The following C9orf72 variants were observed in gnomAD, a reference collection of about 807,000 sequenced individuals.
C9orf72 encodes the protein guanine nucleotide exchange factor C9orf72.
Under a neutral mutation model 51.6 loss-of-function variants are expected in C9orf72, and 44 were observed. That is an observed-to-expected ratio of 0.85 (90% CI 0.67 to 1.10). The LOEUF is 1.10. C9orf72 is among the 50% of genes least tolerant of loss of function. The pLI, the probability that C9orf72 is intolerant of heterozygous loss-of-function variation, is 0.00. For synonymous variants in C9orf72, 213 were observed against 194.2 expected, an observed-to-expected ratio of 1.10 and a Z score of -0.81; for missense variants, 607 against 570.6, an observed-to-expected ratio of 1.06 and a Z score of -0.65.
In C9orf72 at chr9:27,558,554, C is replaced by T; in HGVS notation, c.792G>A (p.Arg264=). The T allele has an allele frequency of 1.9e-6, 3 of 1,608,988 alleles. No homozygotes were observed. The highest frequency in any genetic ancestry group is 2.5e-6 in the Non-Finnish European group (3 of 1,177,978). Residue 264 remains arginine, a synonymous_variant, in exon 7 of 11, where the codon AGG becomes AGA. Transcript: ENST00000380003. ...FLTPAERKCS[R]LCEAESSFKY... ...TAAATGATGATTCTGCTTCACATAA[C>T]CTGGAGCATTTTCTCTCTGCTGGAG...
At chr9:27,565,926 T>A (rs1221446435) in intron 2 of C9orf72, among the ~76,000 whole-genome samples, 1 of 152,162 alleles carries the variant, frequency 6.6e-6, no homozygotes, top group African/African-American at 2.4e-5. Flanking sequence ...ATTCTCCTGA[T>A]TTTAAGAGTT....
chr9:27,573,507 G>GCCCC (rs1410182614), upstream of C9orf72: 10 of 77,082 alleles, frequency 1.3e-4, no homozygotes, highest in South Asian at 6.9e-4. Flanking sequence ...GCCCGCCCCC[G>GCCCC]GGCCCGCCCC....
intron 2 of C9orf72, 84 bp from the exon 3 acceptor site, chr9:27,565,674 G>C: frequency 1.2e-6 from 1 of 860,922 alleles, no homozygotes. Context: ...TTCTTGTGTA[G>C]TAATTTAGTT....
At chr9:27,571,079 G>C (rs1819576389) in intron 1 of C9orf72, 2 of 152,062 alleles carry the variant, frequency 1.3e-5, no homozygotes, top group Non-Finnish European at 2.9e-5. Flanking sequence ...ACATGCAAAT[G>C]CAGCTGAAAA....
At chr9:27,556,462 T>C (rs1196332113) in intron 8 of C9orf72, 99 bp downstream of exon 8, 2 of 735,054 alleles carry the variant, frequency 2.7e-6, no homozygotes, top group Admixed American at 2.8e-5. Flanking sequence ...CTGGTAATAT[T>C]TCTTTCTTTT....
chr9:27,564,189 G>T (rs1819415636), intron 3 of C9orf72, among the ~76,000 whole-genome samples: 1 of 148,794 alleles, frequency 6.7e-6, no homozygotes, highest in Non-Finnish European at 1.5e-5. Flanking sequence ...ATCCTACAGG[G>T]CTAAATACAG....
chr9:27,566,629 C>A, intron 2 of C9orf72, 48 bp downstream of exon 2: 1 of 1,311,820 alleles, frequency 7.6e-7, no homozygotes, highest in Non-Finnish European at 1.1e-6. Context: ...AGAAAATAAG[C>A]TTTCAACAGA....
At chr9:27,572,131 A>C (rs1819599837) in intron 1 of C9orf72, among the ~76,000 whole-genome samples, 1 of 152,228 alleles carries the variant, frequency 6.6e-6, no homozygotes, top group South Asian at 2.1e-4. Context: ...AGCCAAACAA[A>C]ATATTTTATC....
At position 27,558,675 on chromosome 9, in the gene C9orf72, A is replaced by T. The variant is rs530889918; in HGVS notation, c.739-68T>A. 3.9e-5 allele frequency: 31 copies of T among 786,722 alleles called. No individual in the cohort carries two copies. The African/African-American group carries it at 4.9e-4, about 13-fold the overall frequency. 48.7% of individuals were successfully genotyped at this position (786,722 alleles called of 1,614,324 possible). A position where few individuals can be genotyped will look rare whatever the true frequency, so the allele number is the denominator to read the frequency against. On this transcript the variant is annotated intron_variant, in intron 6 of 10. Coordinates refer to ENST00000380003, the MANE Select transcript of C9orf72 (RefSeq NM_018325.5). ...GACCACTGATTTGCTTATGAAAGAT[A>T]TCTGAAATTTTAATTGTTATTATCA...
chr9:27,573,067 A>C (rs1244404913), intron 1 of C9orf72, among the ~76,000 whole-genome samples: 1 of 152,184 alleles, frequency 6.6e-6, no homozygotes, highest in East Asian at 2.0e-4. Flanking sequence ...GCCTTCCCCC[A>C]GGCGAGGCCT....
At chr9:27,570,128 C>G (rs1484085827) in intron 1 of C9orf72, among the ~76,000 whole-genome samples, 2 of 152,152 alleles carry the variant, frequency 1.3e-5, no homozygotes, top group East Asian at 3.9e-4. Flanking sequence ...TATGTTGTAT[C>G]AATTTAATAG....
At position 27,556,588 on chromosome 9, in the gene C9orf72, T is replaced by A; in HGVS notation, c.1064A>T (p.Tyr355Phe). 6.2e-7 allele frequency: 1 copy of A among 1,613,616 alleles called. No homozygotes were observed. The highest frequency in any genetic ancestry group is 8.5e-7 in the Non-Finnish European group (1 of 1,179,556). ...EEDMAQDTII[Y>F]TDESFTPDLN... ...ATCAGGAGTAAAGCTTTCGTCAGTG[T>A]AGATGATCGTATCCTGAGCCATGTC... The change falls in exon 8 of 11, where the codon TAC (tyrosine) becomes TTC (phenylalanine). Residue 355 changes from tyrosine (Y) to phenylalanine (F), a missense_variant. Physicochemically the swap from Tyr to Phe is conservative, Grantham distance 22. Coordinates refer to ENST00000380003, the MANE Select transcript of C9orf72 (RefSeq NM_018325.5).
upstream of C9orf72, chr9:27,573,495 G>GACCACGCCCC (rs1176250835): frequency 2.7e-4 from 27 of 101,488 alleles, no homozygotes; most frequent in Admixed American, 7.2e-4. Context: ...GCCCCGCCCC[G>GACCACGCCCC]GGCCCGCCCC....
chr9:27,566,117 A>G (rs1326749936), intron 2 of C9orf72, among the ~76,000 whole-genome samples: 2 of 152,194 alleles, frequency 1.3e-5, no homozygotes, highest in Non-Finnish European at 2.9e-5. Context: ...CTTTAGATAC[A>G]TCAAAACTAT....
rs115217252 is a variant in C9orf72 at position 27,565,525 on chromosome 9, A to C, written c.504+6T>G. On this transcript the variant is annotated splice_donor_region_variant and intron_variant, in intron 3 of 10. Coordinates refer to ENST00000380003, the MANE Select transcript of C9orf72 (RefSeq NM_018325.5). ...AAACATTTGACAGTATGCAATTTGC[A>C]TATACCTGATCTTCCATTCTCTCTG... is the stretch of plus-strand genomic sequence containing the variant. 154 of 1,582,106 alleles carry C rather than the reference A, an allele frequency of 9.7e-5. No homozygotes were observed. The African/African-American group carries it at 1.4e-3, about 14-fold the overall frequency.
In C9orf72 at chr9:27,551,083, C is replaced by CA. The variant is rs200716786; in HGVS notation, c.1092-377dup. On this transcript the variant is annotated intron_variant, in intron 8 of 10. Coordinates refer to ENST00000380003, the MANE Select transcript of C9orf72 (RefSeq NM_018325.5). Reference sequence around the variant, plus strand: ...ATAAAACTACCAATTCTTGCCATCTCAAAAAAAAACAAAAAACAAACCAGC... The same window carrying CA: ...ATAAAACTACCAATTCTTGCCATCTCAAAAAAAAAACAAAAAACAAACCAGC... Among the ~76,000 whole-genome samples the CA allele has an allele frequency of 2.6e-3, 308 of 117,194 alleles. 1 individual carries two copies. Among genetic ancestry groups the CA allele is most frequent in the African/African-American group, 7.8e-3 (270 of 34,834 alleles). The allele number at this position is 117,194 out of a possible 152,430, so 76.9% of individuals were successfully genotyped here. A position where few individuals can be genotyped will look rare whatever the true frequency, so the allele number is the denominator to read the frequency against.
At chr9:27,550,784 C>A in intron 8 of C9orf72, 77 bp from the exon 9 acceptor site, 1 of 684,136 alleles carries the variant, frequency 1.5e-6, no homozygotes, top group Non-Finnish European at 2.5e-6. Context: ...CTTCCACAAT[C>A]CCTCACTTGA....
chr9:27,565,319 T>A (rs1185263731), intron 3 of C9orf72, among the ~76,000 whole-genome samples: 1 of 152,156 alleles, frequency 6.6e-6, no homozygotes, highest in Non-Finnish European at 1.5e-5. Flanking sequence ...AATATTAATT[T>A]GTAGATGCAA....
intron 3 of C9orf72, among the ~76,000 whole-genome samples, chr9:27,563,038 AT>A (rs2131541529): frequency 5.0e-5 from 1 of 19,958 alleles, no homozygotes; most frequent in East Asian, 0.12. Flanking sequence ...GATAAAAAAA[AT>A]TTGTTAAAGG....
Sources: allele counts gnomAD v4.1 joint callset (sites outside exome capture counted in the v4.1 genomes callset), GRCh38; gene constraint gnomAD v4.1.1; transcripts MANE v1.5; gene names NCBI Gene and HGNC (gene_info 2026-07-23, HGNC 2026-07-21).